The following SAMD12 variants were observed in gnomAD, a reference collection of about 807,000 sequenced individuals.
SAMD12 encodes the protein sterile alpha motif domain containing 12.
SAMD12 carries 9 observed loss-of-function variants against 15.0 expected under a neutral mutation model. The observed-to-expected ratio is 0.60, with a 90% CI of 0.36 to 1.05. SAMD12 has a LOEUF of 1.05. SAMD12 is among the 50% of genes least tolerant of loss of function. SAMD12 has a pLI of 0.01. For synonymous variants in SAMD12, 86 were observed against 90.1 expected, an observed-to-expected ratio of 0.96 and a Z score of 0.25; for missense variants, 230 against 234.2, an observed-to-expected ratio of 0.98 and a Z score of 0.12.
chr8:118,287,236 T>C (rs941625458), intron 4 of SAMD12, among the ~76,000 whole-genome samples: 8 of 151,562 alleles, frequency 5.3e-5, no homozygotes, highest in Non-Finnish European at 8.8e-5. Context: ...GCCATTCTCC[T>C]GCCTCAGCCT....
intron 2 of SAMD12, among the ~76,000 whole-genome samples, chr8:118,540,418 G>C (rs1339147401): frequency 1.3e-5 from 2 of 152,112 alleles, no homozygotes; most frequent in Non-Finnish European, 2.9e-5. Flanking sequence ...AGTCTCCCTT[G>C]CACTCCCATA....
chr8:118,394,214 G>T (rs1371993725), intron 3 of SAMD12, among the ~76,000 whole-genome samples: 1 of 152,134 alleles, frequency 6.6e-6, no homozygotes, highest in African/African-American at 2.4e-5. Flanking sequence ...AAGCTATGTT[G>T]GAATGAGATA....
At chr8:118,524,983 G>A (rs10110626) in intron 2 of SAMD12, among the ~76,000 whole-genome samples, 57,798 of 151,922 alleles carry the variant, frequency 0.38, 11,111 homozygotes, top group Admixed American at 0.43. Context: ...AAATCAAATC[G>A]TATCAAAACC....
chr8:118,464,128 T>C (rs1823517026), intron 2 of SAMD12, among the ~76,000 whole-genome samples: 1 of 152,218 alleles, frequency 6.6e-6, no homozygotes, highest in Non-Finnish European at 1.5e-5. Flanking sequence ...CTTTACCTTC[T>C]GGCCTTGCAA....
chr8:118,533,886 C>T (rs28874998), intron 2 of SAMD12, among the ~76,000 whole-genome samples: 55,758 of 151,838 alleles, frequency 0.37, 10,725 homozygotes, highest in Admixed American at 0.44. Context: ...TGGGTCTTGA[C>T]TCTTTATCCA....
At chr8:118,560,754 C>T (rs537198528) in intron 2 of SAMD12, among the ~76,000 whole-genome samples, 1 of 151,814 alleles carries the variant, frequency 6.6e-6, no homozygotes, top group Non-Finnish European at 1.5e-5. Context: ...AGTGAATATG[C>T]GCATGTGAGA....
intron 4 of SAMD12, among the ~76,000 whole-genome samples, chr8:118,278,628 A>G (rs957549146): frequency 6.6e-6 from 1 of 152,210 alleles, no homozygotes; most frequent in Non-Finnish European, 1.5e-5. Flanking sequence ...CCAGTGGAAC[A>G]TAACCATTTC....
At chr8:118,208,408 T>C (rs1356215598) in intron 4 of SAMD12, among the ~76,000 whole-genome samples, 7 of 152,376 alleles carry the variant, frequency 4.6e-5, no homozygotes, top group Non-Finnish European at 1.0e-4. Flanking sequence ...ATCACCTGGG[T>C]ATCTTGTTAA....
chr8:118,150,241 C>G, the SAMD12 span, among the ~76,000 whole-genome samples: 1 of 152,200 alleles, frequency 6.6e-6, no homozygotes, highest in African/African-American at 2.4e-5. Context: ...TTTAACTCAT[C>G]ACATACCTTC....
downstream of SAMD12, among the ~76,000 whole-genome samples, chr8:118,184,959 C>T (rs1214647012): frequency 5.4e-5 from 8 of 147,144 alleles, no homozygotes; most frequent in African/African-American, 2.0e-4. Context: ...TCCATTGTAT[C>T]CAAGAATAAT....
chr8:118,267,543 G>A lies in SAMD12; in HGVS notation c.434-69811C>T, dbSNP rs182093814. On this transcript the variant is annotated intron_variant, in intron 4 of 4. Coordinates refer to the SAMD12 transcript ENST00000409003. ...ACAGAGTGGGTTTGCTAGGAAAGAT[G>A]AGATGGGGAGAAACAAATTCTTGGT... 8.3e-4 allele frequency among the ~76,000 whole-genome samples: 126 copies of A among 152,246 alleles called. 1 individual carries two copies. Among genetic ancestry groups the A allele is most frequent in the Middle Eastern group, 3.4e-3 (1 of 294 alleles).
rs561467750 is a variant in SAMD12, at chr8:118,574,118, GA to G, written c.192+6596del. Among the ~76,000 whole-genome samples, 50 of 152,300 alleles carry G rather than the reference GA, an allele frequency of 3.3e-4. 1 individual carries two copies. The East Asian group carries it at 9.5e-3, about 29-fold the overall frequency. ...TTTGAGCTAGGACCTAAATGACAAG[GA>G]ACTAGCTGAACAATGATCAAGGGGA... On this transcript the variant is annotated intron_variant, in intron 2 of 3. Transcript: ENST00000314727.
chr8:118,229,182 G>T (rs1403729678), intron 4 of SAMD12, among the ~76,000 whole-genome samples: 2 of 152,144 alleles, frequency 1.3e-5, no homozygotes, highest in Non-Finnish European at 2.9e-5. Context: ...ATATGGTGCA[G>T]TGTATACTGC....
chr8:118,446,034 T>G (rs1223614335), intron 2 of SAMD12, among the ~76,000 whole-genome samples: 1 of 152,162 alleles, frequency 6.6e-6, no homozygotes, highest in Non-Finnish European at 1.5e-5. Flanking sequence ...AAGTAACAGG[T>G]GTCAGTTCAT....
intron 4 of SAMD12, among the ~76,000 whole-genome samples, chr8:118,342,621 G>A (rs536271844): frequency 6.6e-6 from 1 of 152,122 alleles, no homozygotes; most frequent in Admixed American, 6.5e-5. Flanking sequence ...TGCCCCAAAG[G>A]AAAGAAAAAC....
intron 2 of SAMD12, among the ~76,000 whole-genome samples, chr8:118,562,209 C>T (rs560676141): frequency 3.9e-5 from 6 of 152,122 alleles, no homozygotes; most frequent in African/African-American, 1.4e-4. Context: ...TTATTTTGCC[C>T]GTTAACATAA....
rs200037292 is a variant in SAMD12 at position 118,322,778 on chromosome 8, CT to C, written c.433+56781del. ...GCATTCAGGAGCCCCACTTCCAGTTCTTGTTTAACTGTTCACGTTTAGCTGG... is the reference window on the plus strand; with the variant it reads ...GCATTCAGGAGCCCCACTTCCAGTTCTGTTTAACTGTTCACGTTTAGCTGG... On this transcript the variant is annotated intron_variant, in intron 4 of 4. Transcript: ENST00000409003. Among the ~76,000 whole-genome samples, 27 of 152,254 alleles carry C rather than the reference CT, an allele frequency of 1.8e-4. No homozygotes were observed. In the East Asian group the frequency reaches 3.7e-3, roughly 21 times the overall value.
intron 4 of SAMD12, among the ~76,000 whole-genome samples, chr8:118,278,318 T>A (rs981516822): frequency 1.3e-5 from 2 of 152,254 alleles, no homozygotes; most frequent in African/African-American, 4.8e-5. Context: ...TTGCCAATTC[T>A]CATGAACAAC....
At position 118,367,161 on chromosome 8, in the gene SAMD12, G is replaced by A. The variant is rs186767139; in HGVS notation, c.433+12399C>T. On this transcript the variant is annotated intron_variant, in intron 4 of 4. Coordinates refer to the SAMD12 transcript ENST00000409003. ...GGTTTTTGCCAGACACCGAGAATTG[G>A]TGGTCCCCCCAAAAAAGGCCACAGA... Among the ~76,000 whole-genome samples the A allele has an allele frequency of 5.6e-3, 855 of 152,046 alleles. 32 individuals are homozygous for A. Among genetic ancestry groups the A allele is most frequent in the Admixed American group, 0.053 (804 of 15,254 alleles).
Sources: allele counts gnomAD v4.1 joint callset (sites outside exome capture counted in the v4.1 genomes callset), GRCh38; gene constraint gnomAD v4.1.1; transcripts MANE v1.5; gene names NCBI Gene and HGNC (gene_info 2026-07-23, HGNC 2026-07-21).